The following PTPRJ variants were observed in gnomAD, a reference collection of about 807,000 sequenced individuals.
PTPRJ encodes receptor-type tyrosine-protein phosphatase eta.
In PTPRJ, 129 loss-of-function variants were observed where a neutral mutation model predicts 141.3. The observed-to-expected ratio is 0.91, with a 90% CI of 0.79 to 1.06. The LOEUF (loss-of-function observed/expected upper bound fraction) is 1.06. PTPRJ is among the 50% of genes least tolerant of loss of function. The pLI is 0.00. For synonymous variants in PTPRJ, 610 were observed against 640.5 expected (o/e 0.95, Z 0.72); for missense variants, 1,601 against 1,679.7 (o/e 0.95, Z 0.82).
intron 8 of PTPRJ, among the ~76,000 whole-genome samples, chr11:48,134,888 C>T (rs545352027): frequency 6.6e-6 from 1 of 152,258 alleles, no homozygotes; most frequent in South Asian, 2.1e-4. Context: ...CTTCCTCATC[C>T]GTCCTCAAAT....
At chr11:48,132,519 GT>G in intron 8 of PTPRJ, 1 of 981,962 alleles carries the variant, frequency 1.0e-6, no homozygotes. Flanking sequence ...AAAACATACA[GT>G]CTTCCTTGAT....
chr11:48,035,408 C>G (rs1854094905), intron 1 of PTPRJ, among the ~76,000 whole-genome samples: 1 of 152,138 alleles, frequency 6.6e-6, no homozygotes, highest in Non-Finnish European at 1.5e-5. Flanking sequence ...AGTTTCTTGT[C>G]AGCATCGGGA....
At chr11:48,151,307 G>C (rs898071742) in intron 18 of PTPRJ, among the ~76,000 whole-genome samples, 1 of 151,726 alleles carries the variant, frequency 6.6e-6, no homozygotes, top group Non-Finnish European at 1.5e-5. Context: ...GCAACACTCT[G>C]ATGTCTGCCT....
Position 48,142,908 on chromosome 11 carries a change from T to C in PTPRJ, c.2444-11T>C. The C allele has an allele frequency of 1.2e-6, 2 of 1,611,136 alleles. No homozygotes were observed. Among genetic ancestry groups the C allele is most frequent in the South Asian group, 1.1e-5 (1 of 90,640 alleles). On this transcript the variant is annotated splice_polypyrimidine_tract_variant and intron_variant, in intron 11 of 24. Coordinates refer to ENST00000418331, the MANE Select transcript of PTPRJ (RefSeq NM_002843.4). Reference sequence around the variant, plus strand: ...TATTGGGTGATCATGTTTTGTTTTGTTTTGTTTTAGATCCCCCTCCTCCAG... The same window carrying C: ...TATTGGGTGATCATGTTTTGTTTTGCTTTGTTTTAGATCCCCCTCCTCCAG...
intron 2 of PTPRJ, 50 bp from the exon 3 acceptor site, chr11:48,112,697 T>C: frequency 7.2e-7 from 1 of 1,382,180 alleles, no homozygotes; most frequent in Non-Finnish European, 1.0e-6. Context: ...GGCATCCCTG[T>C]CTCCTGGAGA....
At chr11:48,062,558 A>G (rs1022291610) in intron 1 of PTPRJ, among the ~76,000 whole-genome samples, 4 of 152,104 alleles carry the variant, frequency 2.6e-5, no homozygotes, top group African/African-American at 9.7e-5. Flanking sequence ...TTTTGTTGTT[A>G]TTGTTAAAGG....
intron 10 of PTPRJ, 126 bp from the exon 11 acceptor site, chr11:48,139,360 A>C: frequency 2.0e-6 from 2 of 995,522 alleles, no homozygotes; most frequent in Non-Finnish European, 3.0e-6. Context: ...ATTTAGGGTC[A>C]GCCCCTGCCT....
chr11:48,015,314 T>A (rs1854922263), intron 1 of PTPRJ, among the ~76,000 whole-genome samples: 1 of 151,920 alleles, frequency 6.6e-6, no homozygotes, highest in African/African-American at 2.4e-5. Flanking sequence ...TGGCTCATCA[T>A]GTTTTCCTTT....
Position 48,140,845 on chromosome 11 carries a change from A to G in PTPRJ, c.2443+1069A>G, listed in dbSNP as rs544566470. Among the ~76,000 whole-genome samples, 3 of 152,210 alleles carry G rather than the reference A, an allele frequency of 2.0e-5. No individual in the cohort carries two copies. In the South Asian group the frequency reaches 6.2e-4, roughly 32 times the overall value. On this transcript the variant is annotated intron_variant, in intron 11 of 24. Transcript: ENST00000418331. ...CTGTGAAGTATTAATGAGTTATTTTATGTCTTCTTTTGTACTAAGTCTTTG... is the reference window on the plus strand; with the variant it reads ...CTGTGAAGTATTAATGAGTTATTTTGTGTCTTCTTTTGTACTAAGTCTTTG...
rs906490389 is a variant in PTPRJ at position 48,121,171 on chromosome 11, C to T, written c.521C>T (p.Thr174Ile). ...TVVHQPWCNITGLRPATSYVF... is the reference protein window; with the variant it reads ...TVVHQPWCNIIGLRPATSYVF... ...GTGCATCAACCATGGTGTAACATCA[C>T]AGGCTTACGTCCAGCGACTTCATAT... Residue 174 changes from threonine to isoleucine, a missense_variant, in exon 4 of 25, where the codon ACA (threonine) becomes ATA (isoleucine). Transcript: ENST00000418331. 6 of 1,614,016 alleles carry T rather than the reference C, an allele frequency of 3.7e-6. No homozygotes were observed. The African/African-American group carries it at 6.7e-5, about 18-fold the overall frequency.
intron 1 of PTPRJ, among the ~76,000 whole-genome samples, chr11:48,105,213 C>T (rs745779111): frequency 6.8e-6 from 1 of 146,570 alleles, no homozygotes; most frequent in African/African-American, 2.5e-5. Flanking sequence ...CCCTCCCCAT[C>T]CCCCAAGCTC....
In PTPRJ at chr11:48,105,609, C is replaced by T. The variant is rs139414205; in HGVS notation, c.97-4449C>T. On this transcript the variant is annotated intron_variant, in intron 1 of 24. Transcript: ENST00000418331. ...ACAACTGATGAAAACAATGGCTCCA[C>T]GAGACCCTCAAGTGCCAGAGCTCAT... is the stretch of plus-strand genomic sequence containing the variant. Among the ~76,000 whole-genome samples, 332 of 152,280 alleles carry T rather than the reference C, an allele frequency of 2.2e-3. 2 individuals carry two copies. Among genetic ancestry groups the T allele is most frequent in the African/African-American group, 7.6e-3 (314 of 41,548 alleles).
At chr11:48,000,779 A>G (rs920864474) in intron 1 of PTPRJ, among the ~76,000 whole-genome samples, 1 of 150,840 alleles carries the variant, frequency 6.6e-6, no homozygotes, top group African/African-American at 2.4e-5. Flanking sequence ...CTTATCACCT[A>G]CTCATTTCTG....
At chr11:48,047,168 G>A (rs889804109) in intron 1 of PTPRJ, among the ~76,000 whole-genome samples, 3 of 151,876 alleles carry the variant, frequency 2.0e-5, no homozygotes, top group African/African-American at 7.3e-5. Context: ...CACCTGCCTC[G>A]GCCTCCCAAA....
intron 1 of PTPRJ, among the ~76,000 whole-genome samples, chr11:48,032,232 C>A (rs1854002923): frequency 6.6e-6 from 1 of 152,166 alleles, no homozygotes; most frequent in African/African-American, 2.4e-5. Flanking sequence ...AATGCTCATC[C>A]CTCAGCTCTG....
At chr11:48,043,649 T>C (rs1350966325) in intron 1 of PTPRJ, among the ~76,000 whole-genome samples, 2 of 152,182 alleles carry the variant, frequency 1.3e-5, no homozygotes, top group East Asian at 3.9e-4. Flanking sequence ...GTTCCTTCTC[T>C]GCCCTGAGTC....
At chr11:48,036,796 C>T (rs1854136521) in intron 1 of PTPRJ, among the ~76,000 whole-genome samples, 1 of 152,200 alleles carries the variant, frequency 6.6e-6, no homozygotes, top group Non-Finnish European at 1.5e-5. Flanking sequence ...TTTTACCTAT[C>T]AGAATTCTAG....
Position 48,170,066 on chromosome 11 carries a change from C to T in PTPRJ, c.*2704C>T, listed in dbSNP as rs1205851357. The stretch of plus-strand genomic sequence containing the variant: ...GGTGCCTCTGAGCTTCAACCCCTCC[C>T]AGGAACAATGAGCTCAAATTGGAAG... On this transcript the variant is annotated 3_prime_UTR_variant, in exon 25 of 25. Transcript: ENST00000418331. 1.3e-5 allele frequency: 2 copies of T among 152,184 alleles called. No individual in the cohort carries two copies. Among genetic ancestry groups the T allele is most frequent in the African/African-American group, 2.4e-5 (1 of 41,436 alleles). 9.4% of individuals were successfully genotyped at this position (152,184 alleles called of 1,614,324 possible).
chr11:48,160,147 A>G (rs1371353534), intron 22 of PTPRJ, 98 bp downstream of exon 22: 12 of 1,479,494 alleles, frequency 8.1e-6, no homozygotes, highest in Non-Finnish European at 9.3e-6. Flanking sequence ...ATGTTTTCCT[A>G]TGCAGTGAGA....
Sources: allele counts gnomAD v4.1 joint callset (sites outside exome capture counted in the v4.1 genomes callset), GRCh38; gene constraint gnomAD v4.1.1; transcripts MANE v1.5; gene names NCBI Gene and HGNC (gene_info 2026-07-23, HGNC 2026-07-21).